Variants in NLGN1 observed in about 807,000 individuals in gnomAD.
NLGN1 encodes neuroligin 1.
NLGN1 carries 12 observed loss-of-function variants against 65.5 expected under a neutral mutation model. The ratio of observed to expected loss-of-function variants is 0.18; its 90% CI spans 0.12 to 0.30. NLGN1 has a LOEUF of 0.30. Among genes scored for constraint, NLGN1 ranks in the 10% least tolerant of loss-of-function variants. NLGN1 has a pLI of 1.00. For missense variants in NLGN1, 750 were observed against 1,007.1 expected (o/e 0.74, Z 3.46); for synonymous variants, 350 against 359.5 (o/e 0.97, Z 0.30).
At chr3:173,973,256 T>A (rs773432292) in intron 4 of NLGN1, among the ~76,000 whole-genome samples, 7 of 152,114 alleles carry the variant, frequency 4.6e-5, no homozygotes, top group Non-Finnish European at 1.0e-4. Flanking sequence ...AAAATTGTAG[T>A]TCTGATTAGT....
At chr3:173,798,177 T>C (rs892301932) in intron 3 of NLGN1, among the ~76,000 whole-genome samples, 1 of 152,134 alleles carries the variant, frequency 6.6e-6, no homozygotes, top group African/African-American at 2.4e-5. Flanking sequence ...ATTAATGATT[T>C]CTTAATATAG....
exon 1 of NLGN1, chr3:173,398,467 C>A (rs990447211): frequency 6.6e-6 from 1 of 152,196 alleles, no homozygotes; most frequent in South Asian, 2.1e-4. Context: ...CCGACTCCTG[C>A]CCGCCTCAAC....
At chr3:174,078,039 CAT>C (rs1446423666) in intron 4 of NLGN1, among the ~76,000 whole-genome samples, 1 of 151,974 alleles carries the variant, frequency 6.6e-6, no homozygotes, top group Admixed American at 6.6e-5. Context: ...ATATATGCCA[CAT>C]AGTCTTTTGT....
At chr3:174,019,632 C>T (rs1396614087) in intron 4 of NLGN1, among the ~76,000 whole-genome samples, 1 of 152,070 alleles carries the variant, frequency 6.6e-6, no homozygotes, top group Non-Finnish European at 1.5e-5. Flanking sequence ...GAGAAAGACA[C>T]CAACATCTTA....
rs1357455313 is a variant in NLGN1 at position 173,720,510 on chromosome 3, A to G, written c.494-87170A>G. 2.0e-5 allele frequency among the ~76,000 whole-genome samples: 3 copies of G among 152,302 alleles called. No individual in the cohort carries two copies. In the East Asian group the frequency reaches 5.8e-4, roughly 29 times the overall value. On this transcript the variant is annotated intron_variant, in intron 3 of 6. Coordinates refer to ENST00000457714, the Ensembl canonical transcript of NLGN1. The stretch of plus-strand genomic sequence containing the variant: ...ATCACACATTATTTGCTTAGGAAGG[A>G]CAAAATATATTAAATGAGAAGGTGG...
At chr3:174,091,251 T>C (rs986591666) in intron 4 of NLGN1, among the ~76,000 whole-genome samples, 5 of 152,238 alleles carry the variant, frequency 3.3e-5, no homozygotes, top group African/African-American at 7.2e-5. Context: ...CAGCTATTTG[T>C]GTTTATAGCT....
intron 4 of NLGN1, among the ~76,000 whole-genome samples, chr3:174,009,630 A>G (rs1725128805): frequency 1.3e-5 from 2 of 152,180 alleles, no homozygotes; most frequent in Admixed American, 6.5e-5. Flanking sequence ...ACATAGTGAT[A>G]TATTCCCTCA....
chr3:173,793,526 T>C (rs1713271057), intron 3 of NLGN1, among the ~76,000 whole-genome samples: 1 of 152,138 alleles, frequency 6.6e-6, no homozygotes, highest in Admixed American at 6.6e-5. Flanking sequence ...ATATTGTATC[T>C]TTATGAATAT....
intron 4 of NLGN1, among the ~76,000 whole-genome samples, chr3:173,863,183 T>C (rs965606279): frequency 1.3e-5 from 2 of 152,064 alleles, no homozygotes; most frequent in African/African-American, 4.8e-5. Flanking sequence ...TACCTATTTG[T>C]ATATATGTTC....
chr3:173,767,609 T>G (rs1356770063), intron 3 of NLGN1, among the ~76,000 whole-genome samples: 1 of 152,104 alleles, frequency 6.6e-6, no homozygotes, highest in African/African-American at 2.4e-5. Flanking sequence ...ATTCTTTGGT[T>G]TAAATTGTCC....
chr3:174,196,586 T>C (rs965047966), intron 4 of NLGN1, among the ~76,000 whole-genome samples: 1 of 152,202 alleles, frequency 6.6e-6, no homozygotes, highest in African/African-American at 2.4e-5. Context: ...TGTTATTTCA[T>C]TGGAAATTTG....
intron 4 of NLGN1, among the ~76,000 whole-genome samples, chr3:174,204,434 G>A (rs953834136): frequency 3.3e-5 from 5 of 152,136 alleles, no homozygotes; most frequent in Admixed American, 6.6e-5. Context: ...CATTCCAGCC[G>A]ATCAGCCACT....
intron 3 of NLGN1, among the ~76,000 whole-genome samples, chr3:173,715,959 A>G (rs1214751014): frequency 2.0e-5 from 3 of 152,194 alleles, no homozygotes; most frequent in Admixed American, 6.6e-5. Flanking sequence ...TATTTAAATA[A>G]GATAGAAGAG....
At chr3:174,188,222 T>A (rs993889576) in intron 4 of NLGN1, among the ~76,000 whole-genome samples, 1 of 152,022 alleles carries the variant, frequency 6.6e-6, no homozygotes, top group African/African-American at 2.4e-5. Flanking sequence ...TAAAAACGTC[T>A]TTTGGATAAT....
intron 3 of NLGN1, among the ~76,000 whole-genome samples, chr3:173,722,305 G>A (rs1017493866): frequency 2.2e-5 from 3 of 135,338 alleles, no homozygotes; most frequent in Admixed American, 8.3e-5. Context: ...GTGCAATGGC[G>A]TGATCTTGGC....
At chr3:173,500,118 C>A (rs1325994258) in intron 2 of NLGN1, among the ~76,000 whole-genome samples, 1 of 152,122 alleles carries the variant, frequency 6.6e-6, no homozygotes, top group African/African-American at 2.4e-5. Context: ...GAGGGCATCC[C>A]TGTCTTGTGC....
At chr3:173,520,233 T>C (rs556008480) in intron 2 of NLGN1, among the ~76,000 whole-genome samples, 2 of 152,292 alleles carry the variant, frequency 1.3e-5, no homozygotes, top group South Asian at 4.1e-4. Context: ...CTTTACAAAT[T>C]ACCCATTCTC....
chr3:173,500,994 G>A (rs192228335), intron 2 of NLGN1, among the ~76,000 whole-genome samples: 16 of 152,020 alleles, frequency 1.1e-4, no homozygotes, highest in Non-Finnish European at 2.2e-4. Flanking sequence ...ATAGCTACTG[G>A]GTTTTTACAG....
chr3:174,117,052 C>T (rs1366672068), intron 4 of NLGN1, among the ~76,000 whole-genome samples: 1 of 152,026 alleles, frequency 6.6e-6, no homozygotes, highest in Non-Finnish European at 1.5e-5. Context: ...TTATTTTATT[C>T]ATTTTATGCA....
Sources: allele counts gnomAD v4.1 joint callset (sites outside exome capture counted in the v4.1 genomes callset), GRCh38; gene constraint gnomAD v4.1.1; transcripts MANE v1.5; gene names NCBI Gene and HGNC (gene_info 2026-07-23, HGNC 2026-07-21).